The following VAV3 variants were observed in gnomAD, a reference collection of about 807,000 sequenced individuals.
VAV3 encodes guanine nucleotide exchange factor VAV3.
A neutral mutation model predicts 131.2 loss-of-function variants in VAV3; 94 were observed. The ratio of observed to expected loss-of-function variants is 0.72; its 90% confidence interval spans 0.61 to 0.85. VAV3 has a LOEUF of 0.85. Among genes scored for constraint, VAV3 ranks in the 40% least tolerant of loss-of-function variants. VAV3 has a pLI of 0.00. For missense variants in VAV3, 939 were observed against 1,002.7 expected (o/e 0.94, Z 0.86); for synonymous variants, 349 against 342.0 (o/e 1.02, Z -0.22).
chr1:107,897,434 G>C (rs191096082), intron 1 of VAV3: 1 of 151,974 alleles, frequency 6.6e-6, no homozygotes, highest in African/African-American at 2.4e-5. Flanking sequence ...AGGAGCAACA[G>C]GGGAGGGAAC....
intron 1 of VAV3, chr1:107,963,475 T>C (rs753607626): frequency 2.6e-5 from 4 of 152,228 alleles, no homozygotes; most frequent in Non-Finnish European, 5.9e-5. Context: ...TCTTAGGGAC[T>C]GCCCACCAGC....
intron 12 of VAV3, among the ~76,000 whole-genome samples, chr1:107,753,549 T>TATATATACACACACAC (rs771773884): frequency 1.5e-4 from 12 of 82,024 alleles, no homozygotes; most frequent in Admixed American, 3.7e-4. Flanking sequence ...TATATATATA[T>TATATATACACACACAC]ACACACACAC....
chr1:107,700,032 T>C (rs1660000730), intron 17 of VAV3, among the ~76,000 whole-genome samples: 1 of 152,228 alleles, frequency 6.6e-6, no homozygotes, highest in Non-Finnish European at 1.5e-5. Flanking sequence ...CTGCTGTCTA[T>C]GTCACTACAA....
chr1:107,926,822 A>C (rs1673181632), intron 1 of VAV3, among the ~76,000 whole-genome samples: 2 of 152,132 alleles, frequency 1.3e-5, no homozygotes, highest in African/African-American at 4.8e-5. Context: ...TCACCACCAC[A>C]GGCTAAAGTG....
At chr1:107,746,239 T>G (rs1430089291) in intron 15 of VAV3, among the ~76,000 whole-genome samples, 1 of 152,208 alleles carries the variant, frequency 6.6e-6, no homozygotes, top group Non-Finnish European at 1.5e-5. Context: ...AATAAAACAA[T>G]GGAATATTCT....
chr1:107,809,265 T>C (rs1297221331), intron 2 of VAV3, among the ~76,000 whole-genome samples: 1 of 152,190 alleles, frequency 6.6e-6, no homozygotes, highest in Non-Finnish European at 1.5e-5. Flanking sequence ...AGCACTATAA[T>C]TAGACACAAC....
At chr1:107,584,679 A>C (rs1203517537) in intron 25 of VAV3, among the ~76,000 whole-genome samples, 1 of 152,216 alleles carries the variant, frequency 6.6e-6, no homozygotes, top group Admixed American at 6.5e-5. Flanking sequence ...CTGTTAACCC[A>C]AAGTCCAAAG....
intron 19 of VAV3, among the ~76,000 whole-genome samples, chr1:107,662,599 G>A (rs1657104418): frequency 6.6e-6 from 1 of 152,042 alleles, no homozygotes; most frequent in African/African-American, 2.4e-5. Context: ...TTTTATTCAA[G>A]GCCACTGGTC....
chr1:107,926,534 T>C (rs944383227), intron 1 of VAV3, among the ~76,000 whole-genome samples: 3 of 151,624 alleles, frequency 2.0e-5, no homozygotes, highest in Admixed American at 6.6e-5. Context: ...AAAGCAGCAC[T>C]GAAGAGGATA....
chr1:107,654,329 T>C (rs1339415277), intron 19 of VAV3, among the ~76,000 whole-genome samples: 1 of 152,036 alleles, frequency 6.6e-6, no homozygotes, highest in Non-Finnish European at 1.5e-5. Flanking sequence ...TAGATTATTG[T>C]AGGAATTTCA....
rs373159780 is a variant in VAV3 at position 107,940,701 on chromosome 1, TTAAAC to T, written c.204+23960_204+23964del. ...ACAACATGGATAAACCTTCAGGACA[TTAAAC>T]TAAATAAAATAAGCTAGTCACAAAG... On this transcript the variant is annotated intron_variant, in intron 1 of 26. Coordinates refer to ENST00000370056, the MANE Select transcript of VAV3 (RefSeq NM_006113.5). 2.5e-3 allele frequency among the ~76,000 whole-genome samples: 379 copies of T among 152,238 alleles called. 1 individual carries two copies. The highest frequency in any genetic ancestry group is 8.6e-3 in the African/African-American group (359 of 41,542).
At chr1:107,916,259 C>T (rs1429598713) in intron 1 of VAV3, among the ~76,000 whole-genome samples, 1 of 152,088 alleles carries the variant, frequency 6.6e-6, no homozygotes, top group Non-Finnish European at 1.5e-5. Flanking sequence ...TTCTACCTAC[C>T]ACTGGTAAGA....
chr1:107,602,809 T>A (rs532470550), intron 23 of VAV3, among the ~76,000 whole-genome samples: 1 of 152,236 alleles, frequency 6.6e-6, no homozygotes, highest in African/African-American at 2.4e-5. Flanking sequence ...TATACACACA[T>A]CAAACCACCA....
intron 1 of VAV3, among the ~76,000 whole-genome samples, chr1:107,947,767 A>C (rs886147708): frequency 4.6e-5 from 7 of 152,194 alleles, no homozygotes; most frequent in Admixed American, 4.6e-4. Flanking sequence ...TAGGATTAAA[A>C]AATATCTAGC....
At chr1:107,839,840 A>T (rs1409327080) in intron 2 of VAV3, among the ~76,000 whole-genome samples, 1 of 152,140 alleles carries the variant, frequency 6.6e-6, no homozygotes, top group Non-Finnish European at 1.5e-5. Context: ...TAAAGGAGAG[A>T]TCATTACTAC....
At chr1:107,930,984 T>C (rs906226427) in intron 1 of VAV3, among the ~76,000 whole-genome samples, 1 of 152,148 alleles carries the variant, frequency 6.6e-6, no homozygotes, top group Admixed American at 6.5e-5. Flanking sequence ...AAATACAGAA[T>C]GTGAAATAGT....
intron 15 of VAV3, among the ~76,000 whole-genome samples, chr1:107,733,491 G>A (rs981907210): frequency 6.6e-6 from 1 of 152,098 alleles, no homozygotes; most frequent in Non-Finnish European, 1.5e-5. Flanking sequence ...TAAAAACCTT[G>A]AAAAAAGATT....
intron 15 of VAV3, among the ~76,000 whole-genome samples, chr1:107,728,929 A>T (rs1184087117): frequency 1.3e-5 from 2 of 152,236 alleles, no homozygotes; most frequent in Non-Finnish European, 2.9e-5. Context: ...GACAGTATGC[A>T]GAAAATCCAT....
chr1:107,941,741 A>G (rs1226405000), intron 1 of VAV3, among the ~76,000 whole-genome samples: 3 of 152,186 alleles, frequency 2.0e-5, no homozygotes, highest in Non-Finnish European at 4.4e-5. Context: ...ACTGTTGGGT[A>G]GAAATAAATG....
Sources: gnomAD v4.1 joint callset for allele counts (sites outside exome capture counted in the v4.1 genomes callset) on GRCh38, gnomAD v4.1.1 for gene constraint, MANE v1.5 for transcripts, NCBI Gene and HGNC (gene_info 2026-07-23, HGNC 2026-07-21) for gene names.